CACNA2D4: variants seen among roughly 807,000 people sequenced by gnomAD.
CACNA2D4 encodes the protein calcium voltage-gated channel auxiliary subunit alpha2delta 4.
CACNA2D4 carries 157 observed loss-of-function variants against 163.8 expected under a neutral mutation model. The ratio of observed to expected loss-of-function variants is 0.96; its 90% CI spans 0.84 to 1.09. The LOEUF (loss-of-function observed/expected upper bound fraction) is 1.09, where lower values mean the gene tolerates loss of function less well. CACNA2D4 is among the 50% of genes least tolerant of loss of function. CACNA2D4 has a pLI of 0.00. For missense variants in CACNA2D4, 1,410 were observed against 1,479.9 expected (o/e 0.95, Z 0.78); for synonymous variants, 598 against 586.9 (o/e 1.02, Z -0.27).
rs1461948763 is a variant in CACNA2D4, at chr12:1,911,046, T to C, written c.427-1081A>G. The stretch of plus-strand genomic sequence containing the variant: ...ATTTTTTTTTTTTTTTTTTTTGAGA[T>C]GGAGTCTCACTCTGTCACCCAGGCT... On this transcript the variant is annotated intron_variant, in intron 3 of 37. Transcript: ENST00000382722. 7.2e-5 allele frequency among the ~76,000 whole-genome samples: 10 copies of C among 139,668 alleles called. No homozygotes were observed. The Admixed American group carries it at 7.4e-4, about 10-fold the overall frequency. 91.6% of individuals were successfully genotyped at this position (139,668 alleles called of 152,430 possible). A position where few individuals can be genotyped will look rare whatever the true frequency, so the allele number is the denominator to read the frequency against.
At chr12:1,893,035 A>G (rs896305110) in intron 6 of CACNA2D4, among the ~76,000 whole-genome samples, 1 of 152,226 alleles carries the variant, frequency 6.6e-6, no homozygotes, top group Non-Finnish European at 1.5e-5. Context: ...AGACTCCAAT[A>G]CAATAATAGT....
At chr12:1,830,038 C>T (rs555895808) in intron 26 of CACNA2D4, among the ~76,000 whole-genome samples, 14 of 152,288 alleles carry the variant, frequency 9.2e-5, no homozygotes, top group Admixed American at 2.0e-4. Flanking sequence ...ATGCTCGCTA[C>T]GCAGAAGGGT....
rs376133386 is a variant in CACNA2D4, at chr12:1,820,956, C to G, written c.2552-9233G>C. On this transcript the variant is annotated intron_variant, in intron 26 of 37. Coordinates refer to ENST00000382722, the MANE Select transcript of CACNA2D4 (RefSeq NM_172364.5). The surrounding 1 kb of genome is among the most constrained non-coding windows in gnomAD (Gnocchi z 6.0). ...CCTACCTGCAGGCAATTGCTGGGGC[C>G]GAAGAAGCTGCTCGGGCTCAGGCAC... The G allele has an allele frequency of 2.0e-5, 3 of 152,248 alleles. No homozygotes were observed. The highest frequency in any genetic ancestry group is 2.9e-5 in the Non-Finnish European group (2 of 68,104). 9.4% of individuals were successfully genotyped at this position (152,248 alleles called of 1,614,324 possible). A position where few individuals can be genotyped will look rare whatever the true frequency, so the allele number is the denominator to read the frequency against.
intron 26 of CACNA2D4, among the ~76,000 whole-genome samples, chr12:1,821,166 G>C (rs1864084953): frequency 6.6e-6 from 1 of 152,176 alleles, no homozygotes; most frequent in South Asian, 2.1e-4. Flanking sequence ...CTGTCGTTGT[G>C]CCCGGCTCTG....
In CACNA2D4 at chr12:1,854,036, C is replaced by T. The variant is rs1326708063; in HGVS notation, c.2161G>A (p.Glu721Lys). ...RKDPDLECDE[E>K]LVREVLFDAV... ...TCAAACAGCACCTCCCGGACCAGCTCCTCGTCACCTGGGTGCAAAACATCA... is the reference window on the plus strand; with the variant it reads ...TCAAACAGCACCTCCCGGACCAGCTTCTCGTCACCTGGGTGCAAAACATCA... Residue 721 changes from glutamate (E) to lysine (K), a missense_variant, in exon 23 of 38, where the codon GAG becomes AAG. By Grantham distance (56) the Glu-to-Lys change is moderately conservative. Transcript: ENST00000382722. The T allele has an allele frequency of 6.2e-7, 1 of 1,609,308 alleles. No individual in the cohort carries two copies. Among genetic ancestry groups the T allele is most frequent in the African/African-American group, 1.3e-5 (1 of 74,888 alleles).
chr12:1,826,810 G>T (rs1271150460), intron 26 of CACNA2D4, among the ~76,000 whole-genome samples: 2 of 152,222 alleles, frequency 1.3e-5, no homozygotes, highest in Non-Finnish European at 2.9e-5. Flanking sequence ...GAAGATGGGG[G>T]CAACAGGGTT....
At position 1,878,052 on chromosome 12, in the gene CACNA2D4, C is replaced by A. The variant is rs796288761; in HGVS notation, c.1719+263G>T. On this transcript the variant is annotated intron_variant, in intron 16 of 37. Transcript: ENST00000382722. The surrounding 1 kb of genome is among the most constrained non-coding windows in gnomAD (Gnocchi z 4.6). ...CAGATGTGAATAATGGCCCTGCGGG[C>A]TCTTTAGCCTCAAAACTGCACACTT... Among the ~76,000 whole-genome samples the A allele has an allele frequency of 1.3e-5, 2 of 152,218 alleles. No homozygotes were observed. The highest frequency in any genetic ancestry group is 4.1e-4 in the South Asian group (2 of 4,828).
At position 1,878,032 on chromosome 12, in the gene CACNA2D4, G is replaced by A. The variant is rs1369291702; in HGVS notation, c.1719+283C>T. On this transcript the variant is annotated intron_variant, in intron 16 of 37. Coordinates refer to ENST00000382722, the MANE Select transcript of CACNA2D4 (RefSeq NM_172364.5). The surrounding 1 kb of genome is among the most constrained non-coding windows in gnomAD (Gnocchi z 4.6). ...GAGTTCTGAGAGACTCCAAGCAGAT[G>A]TGAATAATGGCCCTGCGGGCTCTTT... is the stretch of plus-strand genomic sequence containing the variant. Among the ~76,000 whole-genome samples, 1 of 152,206 alleles carries A rather than the reference G, an allele frequency of 6.6e-6. No homozygotes were observed. The highest frequency in any genetic ancestry group is 1.5e-5 in the Non-Finnish European group (1 of 68,044).
rs369712381 is a variant in CACNA2D4, at chr12:1,810,659, CTGTG to C, written c.2614-76_2614-73del. ...GAAATGGCACGTGTAAGTGGGAATG[CTGTG>C]TGTGTGGTACGTCTGCAGTGTGTGT... On this transcript the variant is annotated intron_variant, in intron 27 of 37. Transcript: ENST00000382722. 1.4e-3 allele frequency: 1,950 copies of C among 1,444,334 alleles called. 24 individuals are homozygous for C. The African/African-American group carries it at 0.023, about 17-fold the overall frequency. The allele number at this position is 1,444,334 out of a possible 1,614,324, so 89.5% of individuals were successfully genotyped here.
At position 1,798,001 on chromosome 12, in the gene CACNA2D4, A is replaced by T. The variant is rs549064518; in HGVS notation, c.2996-466T>A. On this transcript the variant is annotated intron_variant, in intron 34 of 37. Transcript: ENST00000382722. The surrounding 1 kb of genome is among the most constrained non-coding windows in gnomAD (Gnocchi z 4.3). ...GCAATCCTGCCCTGCTCTCCCGCAC[A>T]GCCAGGCCCACACTCCACCCATTGA... 3.3e-5 allele frequency among the ~76,000 whole-genome samples: 5 copies of T among 152,224 alleles called. No individual in the cohort carries two copies. Among genetic ancestry groups the T allele is most frequent in the African/African-American group, 1.2e-4 (5 of 41,548 alleles).
intron 26 of CACNA2D4, among the ~76,000 whole-genome samples, chr12:1,818,743 C>T (rs1364572554): frequency 1.5e-4 from 21 of 137,442 alleles, no homozygotes; most frequent in African/African-American, 1.4e-4. Context: ...TCCCCCTCTG[C>T]GAGAAACACC....
intron 6 of CACNA2D4, among the ~76,000 whole-genome samples, chr12:1,897,332 A>G (rs1592742519): frequency 6.6e-6 from 1 of 152,220 alleles, no homozygotes; most frequent in Non-Finnish European, 1.5e-5. Context: ...TAGGGTGACT[A>G]TAGTTAGCAC....
Position 1,811,808 on chromosome 12 carries a change from T to A in CACNA2D4, c.2552-85A>T, listed in dbSNP as rs1863721477. 3.0e-6 allele frequency: 4 copies of A among 1,321,576 alleles called. No individual in the cohort carries two copies. In the Admixed American group the frequency reaches 8.0e-5, roughly 27 times the overall value. 81.9% of individuals were successfully genotyped at this position (1,321,576 alleles called of 1,614,324 possible). ...AGTCAAGTTAAAGAGAGGAGGTGCT[T>A]CCGCAGGAACTGAGGAGAGAGACCG... On this transcript the variant is annotated intron_variant, in intron 26 of 37. Transcript: ENST00000382722.
At chr12:1,913,733 G>A (rs1165839947) in intron 2 of CACNA2D4, among the ~76,000 whole-genome samples, 1 of 152,158 alleles carries the variant, frequency 6.6e-6, no homozygotes, top group African/African-American at 2.4e-5. Flanking sequence ...TTTCTCTCTG[G>A]GCCCAGGGGA....
At chr12:1,818,962 G>A (rs1182153194) in intron 26 of CACNA2D4, among the ~76,000 whole-genome samples, 3 of 142,924 alleles carry the variant, frequency 2.1e-5, no homozygotes, top group Admixed American at 7.0e-5. Context: ...CCCCCTCTCC[G>A]AGAAACACCC....
intron 24 of CACNA2D4, among the ~76,000 whole-genome samples, chr12:1,846,226 G>A (rs1446290245): frequency 6.6e-6 from 1 of 152,128 alleles, no homozygotes; most frequent in East Asian, 1.9e-4. Flanking sequence ...AGCAATTTCG[G>A]CTTTGTCCCT....
chr12:1,806,848 C>G lies in CACNA2D4; in HGVS notation c.2721+3430G>C, dbSNP rs576652312. Among the ~76,000 whole-genome samples, 1 of 152,120 alleles carries G rather than the reference C, an allele frequency of 6.6e-6. No individual in the cohort carries two copies. Among genetic ancestry groups the G allele is most frequent in the African/African-American group, 2.4e-5 (1 of 41,496 alleles). The stretch of plus-strand genomic sequence containing the variant: ...TTCTGTCCTTCAGCCACACTGGAGG[C>G]CTAGAGATAAGCAGGGAGGAGCAGT... On this transcript the variant is annotated intron_variant, in intron 29 of 37. Coordinates refer to ENST00000382722, the MANE Select transcript of CACNA2D4 (RefSeq NM_172364.5). This position sits in a 1 kb window ranked among gnomAD's most constrained non-coding sequence, Gnocchi z 4.1.
chr12:1,819,001 TAA>T (rs34331462), intron 26 of CACNA2D4, among the ~76,000 whole-genome samples: 201 of 127,564 alleles, frequency 1.6e-3, no homozygotes, highest in Middle Eastern at 7.6e-3. Flanking sequence ...CTAAAAAAAT[TAA>T]AAAAAAAAAA....
At chr12:1,826,402 C>A (rs966486443) in intron 26 of CACNA2D4, among the ~76,000 whole-genome samples, 2 of 20,896 alleles carry the variant, frequency 9.6e-5, no homozygotes, top group Non-Finnish European at 2.6e-4. Context: ...AACCCAGAGC[C>A]CCCCCCCCCC....
Sources: allele counts gnomAD v4.1 joint callset (sites outside exome capture counted in the v4.1 genomes callset), GRCh38; gene constraint gnomAD v4.1.1; non-coding constraint Gnocchi (gnomAD v3.1); transcripts MANE v1.5; gene names NCBI Gene and HGNC (gene_info 2026-07-23, HGNC 2026-07-21).